Variants in DGKG observed in about 807,000 individuals in gnomAD.
The protein encoded by DGKG is DAG kinase gamma.
A neutral mutation model predicts 105.3 loss-of-function variants in DGKG; 78 were observed. The observed-to-expected ratio is 0.74, with a 90% CI of 0.62 to 0.89. The LOEUF is 0.89. DGKG is among the 40% of genes least tolerant of loss of function. The probability of loss-of-function intolerance (pLI) is 0.00; values close to 1 mark genes in which losing one functional copy is unlikely to be tolerated. For missense variants in DGKG, 958 were observed against 1,020.1 expected, an observed-to-expected ratio of 0.94 and a Z score of 0.83; for synonymous variants, 346 against 367.1, an observed-to-expected ratio of 0.94 and a Z score of 0.66.
At position 186,149,521 on chromosome 3, in the gene DGKG, C is replaced by T. The variant is rs1019367321; in HGVS notation, c.*569G>A. On this transcript the variant is annotated 3_prime_UTR_variant, in exon 25 of 25. Transcript: ENST00000265022. ...CCTTTCTGCCTCTTCAGCAGGTTCA[C>T]GGAGAAGTTGTCACTCAAAGGACGA... 9.1e-6 allele frequency: 9 copies of T among 985,352 alleles called. No homozygotes were observed. Among genetic ancestry groups the T allele is most frequent in the Middle Eastern group, 5.2e-4 (1 of 1,936 alleles). 61.0% of individuals were successfully genotyped at this position (985,352 alleles called of 1,614,324 possible). A position where few individuals can be genotyped will look rare whatever the true frequency, so the allele number is the denominator to read the frequency against.
Position 186,247,995 on chromosome 3 carries a change from T to C in DGKG, c.1761+3764A>G, listed in dbSNP as rs146124775. Among the ~76,000 whole-genome samples, 47 of 150,852 alleles carry C rather than the reference T, an allele frequency of 3.1e-4. No individual in the cohort carries two copies. In the East Asian group the frequency reaches 9.1e-3, roughly 29 times the overall value. ...TTCCTTCTTTCCTTCCTTCCTCCCTTCCTTCCTTCCTTCCTCCCTCCCTTC... is the reference window on the plus strand; with the variant it reads ...TTCCTTCTTTCCTTCCTTCCTCCCTCCCTTCCTTCCTTCCTCCCTCCCTTC... On this transcript the variant is annotated intron_variant, in intron 19 of 24. Transcript: ENST00000265022.
At chr3:186,348,727 A>G (rs1285257254) in intron 1 of DGKG, among the ~76,000 whole-genome samples, 1 of 152,128 alleles carries the variant, frequency 6.6e-6, no homozygotes, top group Non-Finnish European at 1.5e-5. Context: ...CTTGATTTAT[A>G]GGCATGAGCC....
At chr3:186,179,154 T>C (rs1171441539) in intron 22 of DGKG, among the ~76,000 whole-genome samples, 1 of 152,220 alleles carries the variant, frequency 6.6e-6, no homozygotes, top group African/African-American at 2.4e-5. Context: ...CACGGCGTTC[T>C]AGTGCAGGGA....
intron 14 of DGKG, 44 bp from the exon 15 acceptor site, chr3:186,261,822 T>C (rs187794797): frequency 5.1e-5 from 65 of 1,285,048 alleles, no homozygotes; most frequent in Middle Eastern, 1.9e-4. Context: ...CTTCATCCAA[T>C]AGGGGGCGTG....
intron 11 of DGKG, among the ~76,000 whole-genome samples, chr3:186,269,292 C>T (rs1722206341): frequency 6.6e-6 from 1 of 152,218 alleles, no homozygotes; most frequent in Admixed American, 6.5e-5. Flanking sequence ...CAGAGGAACT[C>T]TGGAGGGCTT....
chr3:186,349,723 G>A (rs1252858110), intron 1 of DGKG, among the ~76,000 whole-genome samples: 2 of 152,100 alleles, frequency 1.3e-5, no homozygotes, highest in Non-Finnish European at 2.9e-5. Context: ...CCCATTGCCT[G>A]CCTACCTAGC....
intron 21 of DGKG, among the ~76,000 whole-genome samples, chr3:186,192,058 A>C (rs1205841406): frequency 6.6e-6 from 1 of 151,970 alleles, no homozygotes; most frequent in Non-Finnish European, 1.5e-5. Flanking sequence ...CCCAGGCTGG[A>C]GTGCGGTAGT....
chr3:186,225,785 G>C (rs1365263488), intron 20 of DGKG, among the ~76,000 whole-genome samples: 1 of 152,136 alleles, frequency 6.6e-6, no homozygotes, highest in African/African-American at 2.4e-5. Context: ...GACCGCTGTA[G>C]TTTTCCCCTG....
intron 7 of DGKG, among the ~76,000 whole-genome samples, chr3:186,282,444 A>T (rs1408075870): frequency 6.6e-6 from 1 of 152,216 alleles, no homozygotes; most frequent in East Asian, 1.9e-4. Flanking sequence ...GAATTTAACA[A>T]CTTCTTACTA....
chr3:186,331,453 AACATAAAC>A (rs1313271138), intron 1 of DGKG, among the ~76,000 whole-genome samples: 4 of 152,262 alleles, frequency 2.6e-5, no homozygotes, highest in African/African-American at 9.6e-5. Context: ...TCCTTAAATA[AACATAAAC>A]ACAAAAGTCT....
Position 186,320,515 on chromosome 3 carries a change from T to C in DGKG, c.-56A>G, listed in dbSNP as rs750903967. On this transcript the variant is annotated 5_prime_UTR_variant, in exon 2 of 25. Transcript: ENST00000265022. Reference sequence around the variant, plus strand: ...AGTGATGGAGTTTTGTTCACTAGGCTGAAGTGGAGGCCCAGCCCAGGGCCT... The same window carrying C: ...AGTGATGGAGTTTTGTTCACTAGGCCGAAGTGGAGGCCCAGCCCAGGGCCT... The C allele has an allele frequency of 2.1e-5, 34 of 1,613,668 alleles. No individual in the cohort carries two copies. The highest frequency in any genetic ancestry group is 2.9e-5 in the Non-Finnish European group (34 of 1,179,808).
Position 186,298,076 on chromosome 3 carries a change from C to A in DGKG, c.298G>T (p.Ala100Ser), listed in dbSNP as rs1366421299. 2.5e-6 allele frequency: 4 copies of A among 1,610,466 alleles called. No homozygotes were observed. The highest frequency in any genetic ancestry group is 3.4e-6 in the Non-Finnish European group (4 of 1,178,406). The stretch of plus-strand genomic sequence containing the variant: ...AAGCTCTGTGTACCTGCGCTGTTGG[C>A]CTCACTGTTGCTGGCTCCCTCCGTC... The part of the protein sequence containing the change: ...HPTEGASNSE[A>S]NSADTNIQNA... The change falls in exon 4 of 25, where the codon GCC (alanine) becomes TCC (serine). Residue 100 changes from alanine to serine, a missense_variant. Physicochemically the swap from Ala to Ser is moderately conservative, Grantham distance 99 (BLOSUM62 1). Transcript: ENST00000265022.
At chr3:186,301,647 G>T (rs1050481221) in intron 3 of DGKG, among the ~76,000 whole-genome samples, 7 of 152,180 alleles carry the variant, frequency 4.6e-5, no homozygotes, top group Non-Finnish European at 8.8e-5. Context: ...ACTTTCCATG[G>T]TTTCTAATTG....
At chr3:186,158,340 A>C in intron 24 of DGKG, 2 of 959,530 alleles carry the variant, frequency 2.1e-6, no homozygotes, top group Non-Finnish European at 2.5e-6. Context: ...ATATTCTATA[A>C]TTTTTAAACT....
chr3:186,266,105 G>A (rs565857399), intron 13 of DGKG, among the ~76,000 whole-genome samples: 1 of 152,290 alleles, frequency 6.6e-6, no homozygotes, highest in East Asian at 1.9e-4. Context: ...AAATTGTACA[G>A]CTTGATGAAT....
At chr3:186,345,293 AT>A (rs1300167213) in intron 1 of DGKG, among the ~76,000 whole-genome samples, 17 of 152,194 alleles carry the variant, frequency 1.1e-4, no homozygotes, top group African/African-American at 4.1e-4. Context: ...AAGGGTTCCT[AT>A]GGTAAACAAC....
rs185126350 is a variant in DGKG at position 186,262,007 on chromosome 3, C to T, written c.1270-229G>A. On this transcript the variant is annotated intron_variant, in intron 14 of 24. Transcript: ENST00000265022. ...AATGAGGGTTTGAGGTCAGGATCAG[C>T]GATGGGACAATGATGCTGTAGCTTC... 18 of 447,158 alleles carry T rather than the reference C, an allele frequency of 4.0e-5. No individual in the cohort carries two copies. The East Asian group carries it at 6.3e-4, about 16-fold the overall frequency. 27.7% of individuals were successfully genotyped at this position (447,158 alleles called of 1,614,324 possible).
chr3:186,168,387 GGAT>G (rs1433033711), intron 22 of DGKG, among the ~76,000 whole-genome samples: 1 of 152,130 alleles, frequency 6.6e-6, no homozygotes, highest in Non-Finnish European at 1.5e-5. Context: ...CAAGAAAAGA[GGAT>G]GATAACAAAT....
chr3:186,164,396 G>C (rs540332747), intron 23 of DGKG, among the ~76,000 whole-genome samples: 28 of 152,300 alleles, frequency 1.8e-4, no homozygotes, highest in Admixed American at 1.2e-3. Flanking sequence ...ATCCCCTAGA[G>C]TTGTCATCCT....
Sources: gnomAD v4.1 joint callset for allele counts (sites outside exome capture counted in the v4.1 genomes callset) on GRCh38, gnomAD v4.1.1 for gene constraint, MANE v1.5 for transcripts, NCBI Gene and HGNC (gene_info 2026-07-23, HGNC 2026-07-21) for gene names.